PRMT8: variants seen among roughly 807,000 people sequenced by gnomAD.
PRMT8 encodes the protein protein arginine methyltransferase 8, also known as protein arginine N-methyltransferase 8.
Under a neutral mutation model 47.1 loss-of-function variants are expected in PRMT8, and 7 were observed. That is an observed-to-expected ratio of 0.15 (90% confidence interval 0.08 to 0.28). The LOEUF is 0.28. Ranked by LOEUF, PRMT8 falls within the 10% of genes least tolerant of loss-of-function variation. PRMT8 has a pLI of 1.00. For synonymous variants in PRMT8, 188 were observed against 186.5 expected, an observed-to-expected ratio of 1.01 and a Z score of -0.07; for missense variants, 237 against 505.4, an observed-to-expected ratio of 0.47 and a Z score of 5.09.
intron 1 of PRMT8, among the ~76,000 whole-genome samples, chr12:3,504,548 A>G (rs1865584545): frequency 9.2e-6 from 1 of 109,090 alleles, no homozygotes; most frequent in African/African-American, 2.8e-5. Context: ...TTGAGGAGGC[A>G]GTCTGCCCGT....
Position 3,570,503 on chromosome 12 carries a change from C to G in PRMT8, c.712+939C>G, listed in dbSNP as rs1866826836. Among the ~76,000 whole-genome samples the G allele has an allele frequency of 6.6e-6, 1 of 152,246 alleles. No individual in the cohort carries two copies. The stretch of plus-strand genomic sequence containing the variant: ...GGCACATCTGCGGTTCCTGCCCCAA[C>G]AGGGTGGTCCATTCCTACTTGGCAA... On this transcript the variant is annotated intron_variant, in intron 6 of 9. Coordinates refer to ENST00000382622, the MANE Select transcript of PRMT8 (RefSeq NM_019854.5). This position sits in a 1 kb window ranked among gnomAD's most constrained non-coding sequence, Gnocchi z 5.5.
intron 8 of PRMT8, among the ~76,000 whole-genome samples, chr12:3,591,407 CT>C (rs34619063): frequency 0.12 from 14,399 of 115,536 alleles, 538 homozygotes; most frequent in Non-Finnish European, 0.14. Flanking sequence ...AGGGAAAGCT[CT>C]TTTTTTTTTT....
intron 1 of PRMT8, among the ~76,000 whole-genome samples, chr12:3,522,763 G>C (rs1865899165): frequency 6.6e-6 from 1 of 151,034 alleles, no homozygotes; most frequent in Admixed American, 6.6e-5. Flanking sequence ...CATTACACTA[G>C]GGTCAAAAAA....
intron 1 of PRMT8, among the ~76,000 whole-genome samples, chr12:3,407,434 C>T (rs1419194175): frequency 6.6e-6 from 1 of 152,080 alleles, no homozygotes; most frequent in Non-Finnish European, 1.5e-5. Flanking sequence ...TCATCCCATT[C>T]TATCCTGTCT....
At chr12:3,545,958 G>T (rs1345490595) in intron 2 of PRMT8, among the ~76,000 whole-genome samples, 1 of 152,194 alleles carries the variant, frequency 6.6e-6, no homozygotes, top group Non-Finnish European at 1.5e-5. Flanking sequence ...TAGATCCTCT[G>T]CTGGGTCACA....
Position 3,540,046 on chromosome 12 carries a change from C to T in PRMT8, c.76-560C>T, listed in dbSNP as rs964910199. Reference sequence around the variant, plus strand: ...AACAAACTCTTACTATATGCCTGGCCCTTTTCTAAGCACTTTGAAATACAA... The same window carrying T: ...AACAAACTCTTACTATATGCCTGGCTCTTTTCTAAGCACTTTGAAATACAA... On this transcript the variant is annotated intron_variant, in intron 1 of 9. Transcript: ENST00000382622. Among the ~76,000 whole-genome samples, 6 of 152,256 alleles carry T rather than the reference C, an allele frequency of 3.9e-5. No individual in the cohort carries two copies. In the Middle Eastern group the frequency reaches 0.01, roughly 259 times the overall value.
rs147422371 is a variant in PRMT8, at chr12:3,424,646, C to T, written c.48+43204C>T. ...TTGATCTTATTTTAAAAGCTGTGGA[C>T]ATGGGAGGCTCAGAGGGGTCATAAC... On this transcript the variant is annotated intron_variant, in intron 1 of 9. Coordinates refer to the PRMT8 transcript ENST00000452611. 1.6e-3 allele frequency among the ~76,000 whole-genome samples: 245 copies of T among 152,244 alleles called. 2 individuals carry two copies. In the Middle Eastern group the frequency reaches 0.027, roughly 17 times the overall value.
chr12:3,391,757 A>C (rs944514470), intron 1 of PRMT8, among the ~76,000 whole-genome samples: 1 of 152,228 alleles, frequency 6.6e-6, no homozygotes, highest in Non-Finnish European at 1.5e-5. Context: ...GTGCCAACAC[A>C]GTGATGGTAC....
intron 1 of PRMT8, among the ~76,000 whole-genome samples, chr12:3,477,135 G>A (rs1304727879): frequency 6.6e-6 from 1 of 152,228 alleles, no homozygotes; most frequent in Non-Finnish European, 1.5e-5. Flanking sequence ...TGAAACTGTG[G>A]TCTAGTAACA....
intron 1 of PRMT8, among the ~76,000 whole-genome samples, chr12:3,435,516 C>CT (rs1405705974): frequency 1.3e-3 from 188 of 146,398 alleles, no homozygotes; most frequent in South Asian, 7.4e-3. Flanking sequence ...TTTTTTTCTT[C>CT]TTTTTTTTTC....
rs901080648 is a variant in PRMT8, at chr12:3,557,950, G to A, written c.481+4236G>A. ...CCTCTGCACAGGTTTCACCTGTGCC[G>A]TAATTCCTGACCTCTGACCCAGCCC... is the stretch of plus-strand genomic sequence containing the variant. On this transcript the variant is annotated intron_variant, in intron 4 of 9. Transcript: ENST00000382622. The surrounding 1 kb of genome is among the most constrained non-coding windows in gnomAD (Gnocchi z 4.7). 4.6e-5 allele frequency among the ~76,000 whole-genome samples: 7 copies of A among 152,058 alleles called. No individual in the cohort carries two copies. Among genetic ancestry groups the A allele is most frequent in the African/African-American group, 1.2e-4 (5 of 41,394 alleles).
intron 8 of PRMT8, among the ~76,000 whole-genome samples, chr12:3,589,808 A>T (rs1192026932): frequency 6.6e-6 from 1 of 152,180 alleles, no homozygotes; most frequent in Non-Finnish European, 1.5e-5. Context: ...TGGCTGACAA[A>T]TCTGGGCCAG....
At chr12:3,517,815 C>T (rs1309454152) in intron 1 of PRMT8, among the ~76,000 whole-genome samples, 2 of 152,074 alleles carry the variant, frequency 1.3e-5, no homozygotes, top group East Asian at 1.9e-4. Flanking sequence ...AATCCTCAAA[C>T]CAGGGAAAAG....
Position 3,453,774 on chromosome 12 carries a change from C to T in PRMT8, c.48+72332C>T, listed in dbSNP as rs573913734. On this transcript the variant is annotated intron_variant, in intron 1 of 9. Coordinates refer to the PRMT8 transcript ENST00000452611. This position sits in a 1 kb window ranked among gnomAD's most constrained non-coding sequence, Gnocchi z 4.9. ...TGTCCTGACGTGGCCCGACTGTGGA[C>T]CCCCTTGTCCTCCTGCCCGCTGTGT... is the stretch of plus-strand genomic sequence containing the variant. 3.3e-5 allele frequency among the ~76,000 whole-genome samples: 5 copies of T among 152,194 alleles called. No individual in the cohort carries two copies. Among genetic ancestry groups the T allele is most frequent in the South Asian group, 2.1e-4 (1 of 4,818 alleles).
At position 3,558,948 on chromosome 12, in the gene PRMT8, G is replaced by GGCTATCTATCTACCTA. The variant is rs1276847106; in HGVS notation, c.481+5234_481+5235insGCTATCTATCTACCTA. Reference sequence around the variant, plus strand: ...TTATTCACCAAACTAACATTTATCTGTCTATCTATCTACCTATCTATCTAT... The same window carrying GGCTATCTATCTACCTA: ...TTATTCACCAAACTAACATTTATCTGGCTATCTATCTACCTATCTATCTATCTACCTATCTATCTAT... On this transcript the variant is annotated intron_variant, in intron 4 of 9. Transcript: ENST00000382622. Among the ~76,000 whole-genome samples the GGCTATCTATCTACCTA allele has an allele frequency of 6.9e-3, 780 of 112,662 alleles. 7 individuals carry two copies. Among genetic ancestry groups the GGCTATCTATCTACCTA allele is most frequent in the African/African-American group, 0.029 (708 of 24,006 alleles). The allele number at this position is 112,662 out of a possible 152,430, so 73.9% of individuals were successfully genotyped here. A position where few individuals can be genotyped will look rare whatever the true frequency, so the allele number is the denominator to read the frequency against.
At chr12:3,488,479 C>CCTTAT (rs1865342814), upstream of PRMT8, among the ~76,000 whole-genome samples, 2 of 152,282 alleles carry the variant, frequency 1.3e-5, no homozygotes, top group African/African-American at 4.8e-5. Flanking sequence ...TCTCTGAACC[C>CCTTAT]CTTATCATCC....
intron 1 of PRMT8, among the ~76,000 whole-genome samples, chr12:3,412,999 A>G (rs754107963): frequency 6.6e-6 from 1 of 152,106 alleles, no homozygotes; most frequent in Non-Finnish European, 1.5e-5. Context: ...AGGCTTCTTT[A>G]TTTTACATTT....
Position 3,409,789 on chromosome 12 carries a change from T to G in PRMT8, c.48+28347T>G, listed in dbSNP as rs1864407659. Among the ~76,000 whole-genome samples, 1 of 152,164 alleles carries G rather than the reference T, an allele frequency of 6.6e-6. No homozygotes were observed. On this transcript the variant is annotated intron_variant, in intron 1 of 9. Transcript: ENST00000452611. The surrounding 1 kb of genome is among the most constrained non-coding windows in gnomAD (Gnocchi z 4.4). ...TCAGCTCAGGTGCTGGGGTTGTGAC[T>G]GCTCTGGGTAGCTAAGGCAGGGATT... is the stretch of plus-strand genomic sequence containing the variant.
chr12:3,524,811 A>G (rs1865928533), intron 1 of PRMT8, among the ~76,000 whole-genome samples: 1 of 152,126 alleles, frequency 6.6e-6, no homozygotes, highest in African/African-American at 2.4e-5. Flanking sequence ...TTGCCTATCA[A>G]ACACCCAATC....
Sources: allele counts gnomAD v4.1 joint callset (sites outside exome capture counted in the v4.1 genomes callset), GRCh38; gene constraint gnomAD v4.1.1; non-coding constraint Gnocchi (gnomAD v3.1); transcripts MANE v1.5; gene names NCBI Gene and HGNC (gene_info 2026-07-23, HGNC 2026-07-21).